EIF4G3: variants seen among roughly 807,000 people sequenced by gnomAD.
The protein encoded by EIF4G3 is eukaryotic translation initiation factor 4 gamma 3, also known as eIF-4-gamma 3.
Under a neutral mutation model 186.4 loss-of-function variants are expected in EIF4G3, and 34 were observed. The ratio of observed to expected loss-of-function variants is 0.18; its 90% confidence interval spans 0.14 to 0.24. The LOEUF is 0.24. Among genes scored for constraint, EIF4G3 ranks in the 10% least tolerant of loss-of-function variants. The probability of loss-of-function intolerance (pLI) is 1.00; values close to 1 mark genes in which losing one functional copy is unlikely to be tolerated. For missense variants in EIF4G3, 1,536 were observed against 1,948.5 expected (o/e 0.79, Z 3.99); for synonymous variants, 673 against 679.5 (o/e 0.99, Z 0.15).
chr1:20,827,852 G>T (rs888375576), intron 31 of EIF4G3, among the ~76,000 whole-genome samples, 154 bp from the exon 32 acceptor site: 1 of 152,064 alleles, frequency 6.6e-6, no homozygotes, highest in Non-Finnish European at 1.5e-5. Flanking sequence ...GTCATTTTCA[G>T]GAGAAGTTCC....
intron 4 of EIF4G3, among the ~76,000 whole-genome samples, chr1:21,030,204 C>G (rs374600954): frequency 1.3e-3 from 199 of 152,260 alleles, no homozygotes; most frequent in African/African-American, 4.7e-3. Context: ...AATTCAAAGG[C>G]AGAGCAGTTC....
chr1:21,039,348 A>T (rs1441984230), intron 4 of EIF4G3, among the ~76,000 whole-genome samples: 4 of 152,264 alleles, frequency 2.6e-5, no homozygotes, highest in Admixed American at 1.3e-4. Flanking sequence ...CAAAATTTTT[A>T]AAATGAATCA....
At chr1:21,169,159 TTAAAA>T (rs1482736566) in intron 2 of EIF4G3, among the ~76,000 whole-genome samples, 1 of 151,648 alleles carries the variant, frequency 6.6e-6, no homozygotes, top group Admixed American at 6.6e-5. Flanking sequence ...CCCCACCTCT[TTAAAA>T]AAGTGGCAAG....
chr1:21,119,089 A>T (rs1360266729), intron 2 of EIF4G3, among the ~76,000 whole-genome samples: 3 of 152,124 alleles, frequency 2.0e-5, no homozygotes, highest in Non-Finnish European at 4.4e-5. Flanking sequence ...CTTTATGAAG[A>T]GCTACATTAG....
In EIF4G3 at chr1:20,806,844, TG is replaced by T. The variant is rs1194376633; in HGVS notation, c.*474del. On this transcript the variant is annotated 3_prime_UTR_variant, in exon 37 of 37. Coordinates refer to ENST00000602326, the MANE Select transcript of EIF4G3 (RefSeq NM_001391906.1). ...TGTTCACCCCAAACTTTCTCAAATCTGGACTAAATGCTATACCTTAAAACAA... is the reference window on the plus strand; with the variant it reads ...TGTTCACCCCAAACTTTCTCAAATCTGACTAAATGCTATACCTTAAAACAA... 6.6e-6 allele frequency: 1 copy of T among 152,532 alleles called. No homozygotes were observed. Among genetic ancestry groups the T allele is most frequent in the African/African-American group, 2.4e-5 (1 of 41,434 alleles). 9.4% of individuals were successfully genotyped at this position (152,532 alleles called of 1,614,324 possible).
intron 20 of EIF4G3, among the ~76,000 whole-genome samples, chr1:20,870,800 A>C (rs2078967484): frequency 2.0e-5 from 3 of 152,210 alleles, no homozygotes; most frequent in Admixed American, 2.0e-4. Context: ...TTATTCATGA[A>C]GGGAGTCTCA....
intron 30 of EIF4G3, among the ~76,000 whole-genome samples, chr1:20,838,373 A>G (rs2067387152): frequency 1.3e-5 from 2 of 152,190 alleles, no homozygotes; most frequent in South Asian, 2.1e-4. Context: ...ATGTAGCATA[A>G]TATCTGGGTA....
chr1:21,145,435 CT>C lies in EIF4G3; in HGVS notation c.-272+30739del, dbSNP rs369144943. Among the ~76,000 whole-genome samples the C allele has an allele frequency of 8.0e-3, 1,151 of 144,344 alleles. 2 individuals carry two copies. Among genetic ancestry groups the C allele is most frequent in the Non-Finnish European group, 0.011 (713 of 65,352 alleles). 94.7% of individuals were successfully genotyped at this position (144,344 alleles called of 152,430 possible). On this transcript the variant is annotated intron_variant, in intron 2 of 36. Transcript: ENST00000602326. Reference sequence around the variant, plus strand: ...TAAAAGTGTCCAGTTTATTTTATGCCTTTTTTTTTTTTAAGAGACAGGTTCT... The same window carrying C: ...TAAAAGTGTCCAGTTTATTTTATGCCTTTTTTTTTTTAAGAGACAGGTTCT...
intron 2 of EIF4G3, among the ~76,000 whole-genome samples, chr1:21,112,100 CT>C (rs1201470280): frequency 6.6e-6 from 1 of 152,178 alleles, no homozygotes; most frequent in African/African-American, 2.4e-5. Context: ...TCCACTTACA[CT>C]TTTTAATTAA....
intron 2 of EIF4G3, among the ~76,000 whole-genome samples, chr1:21,160,142 G>C (rs991392139): frequency 1.3e-5 from 2 of 148,796 alleles, no homozygotes; most frequent in Non-Finnish European, 3.0e-5. Flanking sequence ...CTTCTTGAAA[G>C]AACACAGAAA....
At chr1:21,151,232 C>CTTTTTTTTTTTTT (rs1385422514) in intron 2 of EIF4G3, among the ~76,000 whole-genome samples, 1 of 33,836 alleles carries the variant, frequency 3.0e-5, no homozygotes. Context: ...TATAGTATTT[C>CTTTTTTTTTTTTT]TTTCTTTTTT....
intron 20 of EIF4G3, among the ~76,000 whole-genome samples, chr1:20,877,121 A>T (rs1331956359): frequency 6.6e-6 from 1 of 152,014 alleles, no homozygotes; most frequent in Non-Finnish European, 1.5e-5. Context: ...CATCAATATC[A>T]CTCCTCCATT....
At chr1:21,119,930 T>C (rs980441858) in intron 2 of EIF4G3, among the ~76,000 whole-genome samples, 1 of 152,138 alleles carries the variant, frequency 6.6e-6, no homozygotes, top group East Asian at 1.9e-4. Context: ...ATCATTGTGA[T>C]TGTTCTAAAA....
intron 2 of EIF4G3, among the ~76,000 whole-genome samples, chr1:21,134,875 T>C (rs1558125243): frequency 7.2e-6 from 1 of 139,718 alleles, no homozygotes; most frequent in South Asian, 2.1e-4. Flanking sequence ...CTATGCAGTG[T>C]TTTTTTTTTG....
chr1:21,030,644 A>C (rs573564584), intron 4 of EIF4G3, among the ~76,000 whole-genome samples: 26 of 152,344 alleles, frequency 1.7e-4, no homozygotes, highest in African/African-American at 5.8e-4. Flanking sequence ...AATACAATAC[A>C]AACCACACAA....
intron 12 of EIF4G3, among the ~76,000 whole-genome samples, chr1:20,960,000 A>G (rs1465709576): frequency 6.6e-6 from 1 of 152,180 alleles, no homozygotes; most frequent in Non-Finnish European, 1.5e-5. Flanking sequence ...TAAAGAGCTA[A>G]AAGTAGATCT....
chr1:20,997,659 C>A (rs1268584905), intron 6 of EIF4G3, 26 bp from the exon 7 acceptor site: 1 of 1,528,100 alleles, frequency 6.5e-7, no homozygotes, highest in Non-Finnish European at 8.8e-7. Context: ...AAAACAAACA[C>A]AAAAGGAAAG....
intron 30 of EIF4G3, among the ~76,000 whole-genome samples, chr1:20,833,856 G>A (rs2065981136): frequency 6.6e-6 from 1 of 152,138 alleles, no homozygotes; most frequent in South Asian, 2.1e-4. Flanking sequence ...TACTGAATGG[G>A]CAAAAACTGG....
Position 21,046,277 on chromosome 1 carries a change from C to T in EIF4G3, c.-67+4589G>A, listed in dbSNP as rs374662992. Among the ~76,000 whole-genome samples, 35 of 152,290 alleles carry T rather than the reference C, an allele frequency of 2.3e-4. 3 individuals carry two copies. Among genetic ancestry groups the T allele is most frequent in the African/African-American group, 6.3e-4 (26 of 41,576 alleles). On this transcript the variant is annotated intron_variant, in intron 4 of 36. Transcript: ENST00000602326. The stretch of plus-strand genomic sequence containing the variant: ...TGTCTGAAATGTCATAGTCTAAAGT[C>T]TTTGACTAATTAAACAAAATCTCCA...
Sources: allele counts gnomAD v4.1 joint callset (sites outside exome capture counted in the v4.1 genomes callset), GRCh38; gene constraint gnomAD v4.1.1; transcripts MANE v1.5; gene names NCBI Gene and HGNC (gene_info 2026-07-23, HGNC 2026-07-21).